The following HEATR6 variants were observed in gnomAD, a reference collection of about 807,000 sequenced individuals.
HEATR6 encodes the protein HEAT repeat containing 6.
A neutral mutation model predicts 132.8 loss-of-function variants in HEATR6; 106 were observed. That is an observed-to-expected ratio of 0.80 (90% confidence interval 0.68 to 0.94). HEATR6 has a LOEUF of 0.94. HEATR6 is among the 40% of genes least tolerant of loss of function. The pLI is 0.00. For missense variants in HEATR6, 1,339 were observed against 1,425.1 expected (o/e 0.94, Z 0.97); for synonymous variants, 529 against 537.8 (o/e 0.98, Z 0.23).
intron 14 of HEATR6, among the ~76,000 whole-genome samples, chr17:60,054,580 G>C (rs1006842020): frequency 3.9e-5 from 6 of 152,264 alleles, no homozygotes; most frequent in Non-Finnish European, 7.3e-5. Flanking sequence ...CTATTTTGGA[G>C]CTTTAAGGTT....
rs763258747 is a variant in HEATR6 at position 60,056,129 on chromosome 17, G to A, written c.2188C>T (p.Leu730Phe). 1.9e-6 allele frequency: 3 copies of A among 1,614,020 alleles called. No homozygotes were observed. The highest frequency in any genetic ancestry group is 3.3e-5 in the Admixed American group (2 of 60,004). ...CMGEADPSIQ[L>F]HGAKLLEELG... ...ATGAAAATTACCTTTGCTCCATGAAGCTGAATGGATGGATCTGCTTCCCCC... is the reference window on the plus strand; with the variant it reads ...ATGAAAATTACCTTTGCTCCATGAAACTGAATGGATGGATCTGCTTCCCCC... The change falls in exon 13 of 20, where the codon CTT becomes TTT. Residue 730 changes from leucine to phenylalanine, a missense_variant. Coordinates refer to ENST00000184956, the MANE Select transcript of HEATR6 (RefSeq NM_022070.5).
chr17:60,042,149 G>A lies in HEATR6; in HGVS notation c.*1414C>T, dbSNP rs955711835. ...GTGGCAAAACAACCATATATTTAGT[G>A]TGTGGGATCACATTCTCCTAAAGAG... On this transcript the variant is annotated 3_prime_UTR_variant, in exon 20 of 20. Transcript: ENST00000184956. Among the ~76,000 whole-genome samples the A allele has an allele frequency of 2.6e-5, 4 of 152,256 alleles. No individual in the cohort carries two copies. Among genetic ancestry groups the A allele is most frequent in the Non-Finnish European group, 5.9e-5 (4 of 68,044 alleles).
chr17:60,048,983 A>AATATATATATATATATAT (rs35114523), intron 16 of HEATR6, among the ~76,000 whole-genome samples: 15 of 69,542 alleles, frequency 2.2e-4, no homozygotes, highest in Non-Finnish European at 3.3e-4. Context: ...ATATATATAT[A>AATATATATATATATATAT]ATATATATAT....
At chr17:60,066,056 T>G (rs968457377) in intron 9 of HEATR6, among the ~76,000 whole-genome samples, 153 bp downstream of exon 9, 1 of 152,258 alleles carries the variant, frequency 6.6e-6, no homozygotes, top group Non-Finnish European at 1.5e-5. Context: ...TAAGCCCACT[T>G]CCTATTTTCC....
intron 2 of HEATR6, 181 bp from the exon 3 acceptor site, chr17:60,074,067 C>T (rs1371934238): frequency 1.4e-5 from 18 of 1,294,478 alleles, no homozygotes; most frequent in Non-Finnish European, 1.6e-5. Context: ...GCCTTCTCCC[C>T]ACCCCAAGGT....
intron 14 of HEATR6, among the ~76,000 whole-genome samples, chr17:60,053,719 A>G (rs1007993242): frequency 6.6e-6 from 1 of 152,216 alleles, no homozygotes; most frequent in Non-Finnish European, 1.5e-5. Flanking sequence ...CCCATGTCCT[A>G]GGGATTTGCA....
chr17:60,052,606 G>A (rs900060556), intron 14 of HEATR6, among the ~76,000 whole-genome samples: 8 of 152,130 alleles, frequency 5.3e-5, no homozygotes, highest in Non-Finnish European at 7.4e-5. Flanking sequence ...CAGGGACTAG[G>A]GTTAGAATCT....
chr17:60,055,425 A>C, intron 14 of HEATR6, 90 bp downstream of exon 14: 1 of 775,562 alleles, frequency 1.3e-6, no homozygotes, highest in Non-Finnish European at 2.1e-6. Flanking sequence ...GGAAGAAACC[A>C]TATCATCTAC....
chr17:60,067,852 GAAGAA>G (rs1438529835), intron 7 of HEATR6, 120 bp from the exon 8 acceptor site: 6 of 801,780 alleles, frequency 7.5e-6, no homozygotes, highest in African/African-American at 7.1e-5. Flanking sequence ...TTTAAAGAAA[GAAGAA>G]AAGAGAAAAG....
intron 5 of HEATR6, among the ~76,000 whole-genome samples, chr17:60,071,775 C>A (rs1044832846): frequency 6.6e-6 from 1 of 152,002 alleles, no homozygotes; most frequent in Non-Finnish European, 1.5e-5. Context: ...TGGCTATATC[C>A]GAGCAGGAGA....
At position 60,046,206 on chromosome 17, in the gene HEATR6, G is replaced by C; in HGVS notation, c.2793C>G (p.Ala931=). 6.2e-7 allele frequency: 1 copy of C among 1,611,452 alleles called. No homozygotes were observed. Among genetic ancestry groups the C allele is most frequent in the Non-Finnish European group, 8.5e-7 (1 of 1,178,990 alleles). ...GCAGAAAATGAAGCAAATTTCCAAG[G>C]GCCCGGACTGCATTGCTTTTTACCT... The part of the protein sequence containing the change: ...KDKVKSNAVR[A]LGNLLHFLQP... Residue 931 remains alanine, a synonymous_variant, in exon 19 of 20, where the codon GCC becomes GCG. Coordinates refer to ENST00000184956, the MANE Select transcript of HEATR6 (RefSeq NM_022070.5).
At position 60,072,324 on chromosome 17, in the gene HEATR6, G is replaced by A. The variant is rs2083273659; in HGVS notation, c.590C>T (p.Pro197Leu). ...HCMANLCLSV[P>L]GQPYLEEPYQ... ...GGGCTCCTCCAAATACGGCTGTCCT[G>A]GCACACTAAACGCATACAGAGAAAA... Residue 197 changes from proline (P) to leucine (L), a missense_variant, in exon 5 of 20, where the codon CCA becomes CTA. By Grantham distance (98) the Pro-to-Leu change is moderately conservative (BLOSUM62 -3). Transcript: ENST00000184956. 7 of 1,592,178 alleles carry A rather than the reference G, an allele frequency of 4.4e-6. No individual in the cohort carries two copies. Among genetic ancestry groups the A allele is most frequent in the Non-Finnish European group, 6.0e-6 (7 of 1,163,030 alleles).
chr17:60,053,447 T>C (rs1389158833), intron 14 of HEATR6, among the ~76,000 whole-genome samples: 1 of 152,178 alleles, frequency 6.6e-6, no homozygotes, highest in Non-Finnish European at 1.5e-5. Context: ...GGTGTTGTTA[T>C]AAAGAGACCT....
At position 60,060,113 on chromosome 17, in the gene HEATR6, A is replaced by T; in HGVS notation, c.1417-17T>A. The T allele has an allele frequency of 6.4e-7, 1 of 1,573,844 alleles. No homozygotes were observed. Among genetic ancestry groups the T allele is most frequent in the Non-Finnish European group, 8.7e-7 (1 of 1,144,012 alleles). ...GGCACGTGTCTGAAATTTCGGGATGATTCACATTGATTAGTTGAAAATTAG... is the reference window on the plus strand; with the variant it reads ...GGCACGTGTCTGAAATTTCGGGATGTTTCACATTGATTAGTTGAAAATTAG... On this transcript the variant is annotated splice_polypyrimidine_tract_variant and intron_variant, in intron 9 of 19. Coordinates refer to ENST00000184956, the MANE Select transcript of HEATR6 (RefSeq NM_022070.5).
In HEATR6 at chr17:60,070,716, G is replaced by A; in HGVS notation, c.791C>T (p.Ala264Val). 1 of 1,588,398 alleles carries A rather than the reference G, an allele frequency of 6.3e-7. No homozygotes were observed. The highest frequency in any genetic ancestry group is 8.6e-7 in the Non-Finnish European group (1 of 1,156,666). ...TQTDELGALL[A>V]VLKKFMFHGL... ...GAAGACTTGCCTTACCTTTAGCACA[G>A]CTAAAAGTGCTCCAAGTTCATCAGT... Residue 264 changes from alanine to valine, a missense_variant, in exon 6 of 20, where the codon GCT (alanine) becomes GTT (valine). Coordinates refer to ENST00000184956, the MANE Select transcript of HEATR6 (RefSeq NM_022070.5).
rs1489078817 is a variant in HEATR6, at chr17:60,066,397, C to A, written c.1239-11G>T. On this transcript the variant is annotated splice_polypyrimidine_tract_variant and intron_variant, in intron 8 of 19. Transcript: ENST00000184956. ...TTAGCTTGGTAAGACCTTTCATAAC[C>A]AAGAGAAAAAAGAAAAAACACTTAA... 5.2e-6 allele frequency: 8 copies of A among 1,533,180 alleles called. No homozygotes were observed. The highest frequency in any genetic ancestry group is 7.0e-6 in the Non-Finnish European group (8 of 1,142,878). 95.0% of individuals were successfully genotyped at this position (1,533,180 alleles called of 1,614,324 possible).
chr17:60,075,972 G>A (rs2145204035), intron 2 of HEATR6, 158 bp downstream of exon 2: 2 of 503,010 alleles, frequency 4.0e-6, no homozygotes, highest in East Asian at 6.3e-5. Context: ...TTGGATCAGA[G>A]TTATATTTGC....
chr17:60,065,366 C>A (rs1435897203), intron 9 of HEATR6, among the ~76,000 whole-genome samples: 1 of 152,160 alleles, frequency 6.6e-6, no homozygotes, highest in African/African-American at 2.4e-5. Flanking sequence ...GGTTACCACC[C>A]CTGACCCCTT....
At chr17:60,071,035 T>C (rs2083267630) in intron 5 of HEATR6, among the ~76,000 whole-genome samples, 2 of 152,326 alleles carry the variant, frequency 1.3e-5, no homozygotes, top group South Asian at 2.1e-4. Context: ...AGTGGTCTTA[T>C]TGTACATGTT....
Sources: allele counts gnomAD v4.1 joint callset (sites outside exome capture counted in the v4.1 genomes callset), GRCh38; gene constraint gnomAD v4.1.1; transcripts MANE v1.5; gene names NCBI Gene and HGNC (gene_info 2026-07-23, HGNC 2026-07-21).